SEC22C: variants seen among roughly 807,000 people sequenced by gnomAD.
SEC22C encodes vesicle-trafficking protein SEC22c.
In SEC22C, 29 loss-of-function variants were observed where a neutral mutation model predicts 34.7. The ratio of observed to expected loss-of-function variants is 0.84; its 90% CI spans 0.62 to 1.14. The LOEUF (loss-of-function observed/expected upper bound fraction) is 1.14, where lower values mean the gene tolerates loss of function less well. SEC22C is among the 50% of genes most tolerant of loss of function. The probability of loss-of-function intolerance (pLI) is 0.00; values close to 1 mark genes in which losing one functional copy is unlikely to be tolerated. For synonymous variants in SEC22C, 117 were observed against 132.8 expected (o/e 0.88, Z 0.82); for missense variants, 337 against 369.0 (o/e 0.91, Z 0.71).
chr3:42,551,259 G>A lies in SEC22C; in HGVS notation c.*1989C>T. ...AGAAAAACTGAAAATTCACCTGCTG[G>A]GTATGCAGAAAATTATGCAGATGTG... is the stretch of plus-strand genomic sequence containing the variant. On this transcript the variant is annotated 3_prime_UTR_variant, in exon 7 of 7. Transcript: ENST00000264454. 5 of 985,292 alleles carry A rather than the reference G, an allele frequency of 5.1e-6. No homozygotes were observed. Among genetic ancestry groups the A allele is most frequent in the Non-Finnish European group, 6.0e-6 (5 of 829,922 alleles). The allele number at this position is 985,292 out of a possible 1,614,324, so 61.0% of individuals were successfully genotyped here.
intron 1 of SEC22C, among the ~76,000 whole-genome samples, chr3:42,569,547 C>G (rs1703479630): frequency 1.3e-5 from 2 of 152,188 alleles, no homozygotes; most frequent in South Asian, 4.1e-4. Flanking sequence ...GCTGCCATAT[C>G]CTCACTTGCA....
Position 42,561,151 on chromosome 3 carries a change from C to A in SEC22C, c.492G>T (p.Val164=). The A allele has an allele frequency of 6.2e-7, 1 of 1,614,198 alleles. No individual in the cohort carries two copies. Among genetic ancestry groups the A allele is most frequent in the African/African-American group, 1.3e-5 (1 of 75,042 alleles). ...AGTGCATCGGTGTGTGACCATTCAT[C>A]ACCCCATTTGCCACATCTGTGTCCT... ...TLEDTDVANG[V]MNGHTPMHLE... Residue 164 remains valine (V), a synonymous_variant, in exon 4 of 7, where the codon GTG becomes GTT. Coordinates refer to ENST00000264454, the MANE Select transcript of SEC22C (RefSeq NM_032970.4).
intron 4 of SEC22C, among the ~76,000 whole-genome samples, chr3:42,558,954 C>T (rs755049495): frequency 7.2e-5 from 11 of 152,168 alleles, no homozygotes; most frequent in South Asian, 2.1e-4. Flanking sequence ...TGCGATGTCA[C>T]GTGCACTTCT....
upstream of SEC22C, among the ~76,000 whole-genome samples, chr3:42,584,579 G>A (rs978286012): frequency 6.6e-6 from 1 of 152,174 alleles, no homozygotes; most frequent in African/African-American, 2.4e-5. Context: ...TTGAAAGTCA[G>A]CATCATATGG....
chr3:42,551,492 C>T lies in SEC22C; in HGVS notation c.*1756G>A. The T allele has an allele frequency of 2.1e-6, 1 of 483,888 alleles. No individual in the cohort carries two copies. 30.0% of individuals were successfully genotyped at this position (483,888 alleles called of 1,614,324 possible). ...AAAGTGCTGGGATTACAGGCATGTG[C>T]CATCACATCCGGCTAATTTTTTTTT... On this transcript the variant is annotated 3_prime_UTR_variant, in exon 7 of 7. Transcript: ENST00000264454.
intron 1 of SEC22C, chr3:42,594,895 G>A (rs1704985038): frequency 6.3e-6 from 1 of 159,220 alleles, no homozygotes; most frequent in African/African-American, 2.4e-5. Flanking sequence ...CTTGCTAAAT[G>A]GACATGTAAC....
At chr3:42,584,226 A>G (rs974124189), upstream of SEC22C, among the ~76,000 whole-genome samples, 1 of 152,222 alleles carries the variant, frequency 6.6e-6, no homozygotes, top group Admixed American at 6.5e-5. Flanking sequence ...GTGCATATAC[A>G]GGTTGCAGGT....
chr3:42,563,013 C>T (rs1297635030), intron 3 of SEC22C, among the ~76,000 whole-genome samples: 1 of 152,226 alleles, frequency 6.6e-6, no homozygotes, highest in African/African-American at 2.4e-5. Context: ...TGCTTACCTC[C>T]TGATGGTAAA....
Position 42,549,193 on chromosome 3 carries a change from C to T in SEC22C, c.*4055G>A, listed in dbSNP as rs1210237881. On this transcript the variant is annotated 3_prime_UTR_variant, in exon 7 of 7. Coordinates refer to ENST00000264454, the MANE Select transcript of SEC22C (RefSeq NM_032970.4). ...CCCCAGACCTGTGCAATATTCTACA[C>T]GAAAACATTTGGAATGTGAGCAATG... is the stretch of plus-strand genomic sequence containing the variant. 9 of 986,738 alleles carry T rather than the reference C, an allele frequency of 9.1e-6. No individual in the cohort carries two copies. Among genetic ancestry groups the T allele is most frequent in the Non-Finnish European group, 9.6e-6 (8 of 830,780 alleles). The allele number at this position is 986,738 out of a possible 1,614,324, so 61.1% of individuals were successfully genotyped here.
chr3:42,565,836 T>G, intron 2 of SEC22C: 1 of 448,964 alleles, frequency 2.2e-6, no homozygotes, highest in South Asian at 1.6e-5. Context: ...ATGGCAGCCT[T>G]AGGGAACTAA....
At chr3:42,563,788 T>G in intron 2 of SEC22C, 102 bp from the exon 3 acceptor site, 3 of 1,571,180 alleles carry the variant, frequency 1.9e-6, no homozygotes, top group Non-Finnish European at 2.6e-6. Context: ...TTGCTTGGCT[T>G]TAAACAGTCC....
At chr3:42,588,193 GGAGTTCAAGA>G (rs1226363647) in intron 1 of SEC22C, among the ~76,000 whole-genome samples, 1 of 152,030 alleles carries the variant, frequency 6.6e-6, no homozygotes, top group Non-Finnish European at 1.5e-5. Context: ...CATGAGGTCA[GGAGTTCAAGA>G]CCAGCCTGGC....
chr3:42,583,809 C>A (rs982199044), upstream of SEC22C, among the ~76,000 whole-genome samples: 3 of 152,140 alleles, frequency 2.0e-5, no homozygotes, highest in African/African-American at 7.2e-5. Flanking sequence ...TCAGAATTCC[C>A]CGTTCCCCTA....
chr3:42,596,194 G>T (rs957354083), intron 1 of SEC22C, among the ~76,000 whole-genome samples: 1 of 151,894 alleles, frequency 6.6e-6, no homozygotes, highest in Non-Finnish European at 1.5e-5. Context: ...GCTAATTTTG[G>T]TATTTTTAGT....
intron 4 of SEC22C, among the ~76,000 whole-genome samples, chr3:42,559,189 C>T (rs936089427): frequency 6.6e-6 from 1 of 152,208 alleles, no homozygotes; most frequent in Non-Finnish European, 1.5e-5. Flanking sequence ...CACACACACA[C>T]AAATACCTCG....
At chr3:42,566,102 G>A (rs1703219368) in intron 2 of SEC22C, among the ~76,000 whole-genome samples, 2 of 152,162 alleles carry the variant, frequency 1.3e-5, no homozygotes, top group African/African-American at 4.8e-5. Context: ...TCACAGCATA[G>A]TAAAGGAGAG....
At chr3:42,584,753 T>G (rs371190901), upstream of SEC22C, among the ~76,000 whole-genome samples, 13 of 152,118 alleles carry the variant, frequency 8.5e-5, no homozygotes, top group African/African-American at 3.1e-4. Flanking sequence ...TGAGGGTAGG[T>G]CATAACAGGC....
chr3:42,569,195 C>T (rs1408915723), intron 1 of SEC22C, 122 bp from the exon 2 acceptor site: 3 of 659,204 alleles, frequency 4.6e-6, no homozygotes, highest in Non-Finnish European at 7.9e-6. Context: ...GCAAATGTTG[C>T]TTTTATTGTT....
At chr3:42,591,415 G>T in intron 1 of SEC22C, 1 of 790,046 alleles carries the variant, frequency 1.3e-6, no homozygotes, top group South Asian at 1.4e-5. Context: ...GGCTAGTCTC[G>T]AACTCCTGAC....
Sources: allele counts gnomAD v4.1 joint callset (sites outside exome capture counted in the v4.1 genomes callset), GRCh38; gene constraint gnomAD v4.1.1; transcripts MANE v1.5; gene names NCBI Gene and HGNC (gene_info 2026-07-23, HGNC 2026-07-21).